Variants in HADH observed in about 807,000 individuals in gnomAD.
HADH encodes the protein hydroxyacyl-CoA dehydrogenase.
HADH carries 24 observed loss-of-function variants against 32.2 expected under a neutral mutation model. That is an observed-to-expected ratio of 0.75 (90% confidence interval 0.54 to 1.05). HADH has a LOEUF of 1.05. Ranked by LOEUF, HADH falls within the 50% of genes least tolerant of loss-of-function variation. The pLI, the probability that HADH is intolerant of heterozygous loss-of-function variation, is 0.00. For synonymous variants in HADH, 139 were observed against 152.5 expected (o/e 0.91, Z 0.65); for missense variants, 350 against 397.1 (o/e 0.88, Z 1.01).
intron 1 of HADH, among the ~76,000 whole-genome samples, chr4:108,007,231 C>T (rs1560726992): frequency 6.6e-6 from 1 of 152,086 alleles, no homozygotes; most frequent in Non-Finnish European, 1.5e-5. Context: ...CTCAGCCTCC[C>T]GAGTAGCTGG....
chr4:108,005,444 G>A (rs1021937216), intron 1 of HADH: 12 of 157,458 alleles, frequency 7.6e-5, no homozygotes, highest in Admixed American at 2.4e-4. Flanking sequence ...TTAGGACTTC[G>A]AATGCTAAAG....
intron 2 of HADH, among the ~76,000 whole-genome samples, chr4:108,012,475 C>T (rs141012546): frequency 2.7e-3 from 405 of 152,318 alleles, no homozygotes; most frequent in Non-Finnish European, 4.8e-3. Context: ...TCATTTATAA[C>T]CTGACACGTC....
At chr4:108,033,097 G>T (rs747664427) in intron 6 of HADH, 79 bp from the exon 7 acceptor site, 388 of 804,800 alleles carry the variant, frequency 4.8e-4, no homozygotes, top group Admixed American at 8.8e-4. Flanking sequence ...TAAAATTCTA[G>T]TAATTCTGGG....
At chr4:108,027,405 C>A in intron 5 of HADH, 1 of 501,608 alleles carries the variant, frequency 2.0e-6, no homozygotes, top group Non-Finnish European at 3.6e-6. Flanking sequence ...CTGTCTCTCC[C>A]AAAGCCATGC....
chr4:108,004,908 T>TAACAATA, intron 1 of HADH: 1 of 1,535,506 alleles, frequency 6.5e-7, no homozygotes, highest in East Asian at 2.4e-5. Flanking sequence ...GGGAGGCTAT[T>TAACAATA]GTTAAAGAGG....
chr4:108,004,387 T>C (rs1735219634), intron 1 of HADH: 1 of 317,750 alleles, frequency 3.1e-6, no homozygotes, highest in African/African-American at 2.2e-5. Flanking sequence ...CAAGTGTTTT[T>C]GTCTGTAACC....
chr4:107,992,646 G>A lies in HADH; in HGVS notation c.132+2582G>A, dbSNP rs118168968. ...ACATGGGACTTTACCTCTGTGTCTCGGTTTTCTCATCTCTAAAGTAGACTA... is the reference window on the plus strand; with the variant it reads ...ACATGGGACTTTACCTCTGTGTCTCAGTTTTCTCATCTCTAAAGTAGACTA... On this transcript the variant is annotated intron_variant, in intron 1 of 7. Coordinates refer to ENST00000309522, the MANE Select transcript of HADH (RefSeq NM_005327.7). Among the ~76,000 whole-genome samples, 6 of 152,218 alleles carry A rather than the reference G, an allele frequency of 3.9e-5. No homozygotes were observed. The East Asian group carries it at 1.2e-3, about 29-fold the overall frequency.
chr4:107,995,792 G>A (rs1445098717), intron 1 of HADH, among the ~76,000 whole-genome samples: 6 of 152,150 alleles, frequency 3.9e-5, no homozygotes, highest in Non-Finnish European at 7.3e-5. Context: ...TCTGGCAAGT[G>A]CTGTATTGTG....
intron 5 of HADH, chr4:108,026,046 T>A (rs1736058884): frequency 6.6e-6 from 1 of 152,162 alleles, no homozygotes; most frequent in South Asian, 2.1e-4. Flanking sequence ...TATTTATTTA[T>A]TTTTTTATTT....
chr4:108,002,281 C>T (rs1373853174), intron 1 of HADH, among the ~76,000 whole-genome samples: 1 of 152,212 alleles, frequency 6.6e-6, no homozygotes, highest in Admixed American at 6.5e-5. Flanking sequence ...GCATTGCTAC[C>T]TGAGCTCTGC....
intron 3 of HADH, among the ~76,000 whole-genome samples, chr4:108,019,049 G>A (rs1735793703): frequency 6.6e-6 from 1 of 151,868 alleles, no homozygotes; most frequent in Non-Finnish European, 1.5e-5. Context: ...TTCACTTCAG[G>A]GAAAATATCT....
chr4:108,028,972 C>G (rs1040132164), intron 6 of HADH: 1 of 398,476 alleles, frequency 2.5e-6, no homozygotes, highest in Non-Finnish European at 4.4e-6. Context: ...GCTGGAAGAG[C>G]AGGACCTGGC....
At chr4:108,022,283 TA>T (rs1735920012) in intron 4 of HADH, among the ~76,000 whole-genome samples, 1 of 151,298 alleles carries the variant, frequency 6.6e-6, no homozygotes. Flanking sequence ...TATATATATA[TA>T]TACTTCATCT....
At chr4:108,018,738 C>G (rs1340898917) in intron 3 of HADH, among the ~76,000 whole-genome samples, 1 of 152,150 alleles carries the variant, frequency 6.6e-6, no homozygotes, top group African/African-American at 2.4e-5. Context: ...TGGTTGGAAT[C>G]AGCACCAGGC....
chr4:108,002,033 T>G (rs1327579305), intron 1 of HADH, among the ~76,000 whole-genome samples: 1 of 151,998 alleles, frequency 6.6e-6, no homozygotes, highest in Non-Finnish European at 1.5e-5. Context: ...ATAAGGCCTT[T>G]AGGAGGTGAT....
chr4:107,996,237 C>A (rs1292666552), intron 1 of HADH, among the ~76,000 whole-genome samples: 1 of 152,166 alleles, frequency 6.6e-6, no homozygotes, highest in Non-Finnish European at 1.5e-5. Context: ...AAAGAAAAAA[C>A]CCACTCATCA....
chr4:108,013,052 C>A (rs1735556036), intron 2 of HADH, among the ~76,000 whole-genome samples: 1 of 152,198 alleles, frequency 6.6e-6, no homozygotes, highest in Non-Finnish European at 1.5e-5. Flanking sequence ...CCTGCCTCAG[C>A]CTTTTGAGTA....
chr4:107,999,924 G>GTA (rs570302502), intron 1 of HADH, among the ~76,000 whole-genome samples: 1 of 152,130 alleles, frequency 6.6e-6, no homozygotes, highest in Admixed American at 6.5e-5. Context: ...CATATAGTGT[G>GTA]TATATATATC....
chr4:108,004,537 T>A (rs767067537), intron 1 of HADH: 83 of 792,802 alleles, frequency 1.0e-4, no homozygotes, highest in Non-Finnish European at 1.4e-4. Context: ...CTTCTTGTTC[T>A]GTTTGTAGCC....
Sources: allele counts gnomAD v4.1 joint callset (sites outside exome capture counted in the v4.1 genomes callset), GRCh38; gene constraint gnomAD v4.1.1; transcripts MANE v1.5; gene names NCBI Gene and HGNC (gene_info 2026-07-23, HGNC 2026-07-21).